PCDHGA1: variants seen among roughly 807,000 people sequenced by gnomAD.
PCDHGA1 encodes the protein protocadherin gamma subfamily A, 1.
Under a neutral mutation model 58.0 loss-of-function variants are expected in PCDHGA1, and 32 were observed. The ratio of observed to expected loss-of-function variants is 0.55; its 90% CI spans 0.42 to 0.74. The LOEUF is 0.74. Among genes scored for constraint, PCDHGA1 ranks in the 30% least tolerant of loss-of-function variants. The pLI is 0.00. For missense variants in PCDHGA1, 1,205 were observed against 1,182.3 expected (o/e 1.02, Z -0.28); for synonymous variants, 498 against 501.1 (o/e 0.99, Z 0.08).
In PCDHGA1 at chr5:141,417,959, C is replaced by T. The variant is rs759279387; in HGVS notation, c.2422-76848C>T. 7.4e-6 allele frequency: 12 copies of T among 1,613,616 alleles called. No homozygotes were observed. The highest frequency in any genetic ancestry group is 4.0e-5 in the African/African-American group (3 of 74,932). On this transcript the variant is annotated intron_variant, in intron 1 of 3. Coordinates refer to ENST00000517417, the MANE Select transcript of PCDHGA1 (RefSeq NM_018912.3). The stretch of plus-strand genomic sequence containing the variant: ...CTACCCCACGCTGTGTGAGCCGATC[C>T]GCTACTCGATTCCGGAGGAGCTGGC...
At chr5:141,403,444 G>A (rs2094408321) in intron 1 of PCDHGA1, 1 of 1,613,906 alleles carries the variant, frequency 6.2e-7, no homozygotes, top group African/African-American at 1.3e-5. Flanking sequence ...ATGTTGGCGT[G>A]AACTCCCTCC....
At position 141,486,543 on chromosome 5, in the gene PCDHGA1, A is replaced by G; in HGVS notation, c.2422-8264A>G. Reference sequence around the variant, plus strand: ...AATGATAATCCACCCTCTTTCTTTCAGAGGTCACATGAGGTGTTTGTTCCT... The same window carrying G: ...AATGATAATCCACCCTCTTTCTTTCGGAGGTCACATGAGGTGTTTGTTCCT... On this transcript the variant is annotated intron_variant, in intron 1 of 3. Transcript: ENST00000517417. This position sits in a 1 kb window ranked among gnomAD's most constrained non-coding sequence, Gnocchi z 5.0. 6.2e-7 allele frequency: 1 copy of G among 1,614,080 alleles called. No individual in the cohort carries two copies. Among genetic ancestry groups the G allele is most frequent in the Non-Finnish European group, 8.5e-7 (1 of 1,180,020 alleles).
chr5:141,381,826 CTTTT>C (rs770630741), intron 1 of PCDHGA1, among the ~76,000 whole-genome samples: 27 of 74,296 alleles, frequency 3.6e-4, no homozygotes, highest in Middle Eastern at 8.1e-3. Context: ...CTTTCTTCTT[CTTTT>C]TTTTTTTTTT....
intron 1 of PCDHGA1, chr5:141,418,426 C>A: frequency 6.2e-7 from 1 of 1,613,948 alleles, no homozygotes; most frequent in South Asian, 1.1e-5. Flanking sequence ...CTGATGGTGG[C>A]AAATATCCAG....
intron 1 of PCDHGA1, chr5:141,350,419 G>A (rs746243687): frequency 2.4e-5 from 39 of 1,606,950 alleles, no homozygotes; most frequent in Non-Finnish European, 3.1e-5. Context: ...AGGATCTGGG[G>A]CTCAGTGTCC....
chr5:141,367,545 T>TAAAA (rs1466224811), intron 1 of PCDHGA1: 1 of 145,462 alleles, frequency 6.9e-6, no homozygotes, highest in African/African-American at 2.5e-5. Flanking sequence ...TCAAAATAAA[T>TAAAA]AAATAAATAA....
chr5:141,332,179 G>A lies in PCDHGA1; in HGVS notation c.1495G>A (p.Ala499Thr), dbSNP rs546148338. The A allele has an allele frequency of 1.2e-6, 2 of 1,614,176 alleles. No individual in the cohort carries two copies. The highest frequency in any genetic ancestry group is 2.2e-5 in the East Asian group (1 of 44,880). Residue 499 changes from alanine (A) to threonine (T), a missense_variant, in exon 1 of 4, where the codon GCA (alanine) becomes ACA (threonine). By Grantham distance (58) the Ala-to-Thr change is moderately conservative (BLOSUM62 0). Transcript: ENST00000517417. This position sits in a 1 kb window ranked among gnomAD's most constrained non-coding sequence, Gnocchi z 4.6. ...YSLIEDTIQGAPLSAYLSINS... is the reference protein window; with the variant it reads ...YSLIEDTIQGTPLSAYLSINS... ...CCTAATAGAGGACACTATCCAGGGG[G>A]CACCCCTATCTGCCTACCTCTCCAT...
At chr5:141,336,663 TA>T (rs1338426856) in intron 1 of PCDHGA1, among the ~76,000 whole-genome samples, 1 of 152,204 alleles carries the variant, frequency 6.6e-6, no homozygotes, top group Non-Finnish European at 1.5e-5. Context: ...TTATTATGTT[TA>T]AGAACTAAAA....
rs752604165 is a variant in PCDHGA1, at chr5:141,494,771, G to A, written c.2422-36G>A. On this transcript the variant is annotated intron_variant, in intron 1 of 3. Coordinates refer to ENST00000517417, the MANE Select transcript of PCDHGA1 (RefSeq NM_018912.3). ...CTCGGGTGACATTCTAACTTCTCAC[G>A]GGTACTCAGCCCCTTTCCCTCTGTT... 74 of 1,613,730 alleles carry A rather than the reference G, an allele frequency of 4.6e-5. No homozygotes were observed. The East Asian group carries it at 1.6e-3, about 36-fold the overall frequency.
rs150897033 is a variant in PCDHGA1, at chr5:141,453,434, G to C, written c.2422-41373G>C. Among the ~76,000 whole-genome samples the C allele has an allele frequency of 3.9e-3, 592 of 151,994 alleles. 6 individuals are homozygous for C. The highest frequency in any genetic ancestry group is 0.011 in the Admixed American group (171 of 15,256). On this transcript the variant is annotated intron_variant, in intron 1 of 3. Coordinates refer to ENST00000517417, the MANE Select transcript of PCDHGA1 (RefSeq NM_018912.3). Reference sequence around the variant, plus strand: ...GGCATAAGCCACCACACCTAGCCTAGTATTCTTTTTTGAATATGTAAAACA... The same window carrying C: ...GGCATAAGCCACCACACCTAGCCTACTATTCTTTTTTGAATATGTAAAACA...
intron 1 of PCDHGA1, chr5:141,341,584 G>C (rs2149726029): frequency 1.7e-6 from 2 of 1,169,320 alleles, no homozygotes; most frequent in East Asian, 5.1e-5. Context: ...AGAGACGTGA[G>C]AATCTTTGTG....
At chr5:141,418,630 A>G in intron 1 of PCDHGA1, 1 of 1,614,046 alleles carries the variant, frequency 6.2e-7, no homozygotes, top group Non-Finnish European at 8.5e-7. Context: ...ACGTGCCTCC[A>G]GGCACCTCCA....
chr5:141,333,048 G>C lies in PCDHGA1; in HGVS notation c.2364G>C (p.Lys788Asn). The change falls in exon 1 of 4, where the codon AAG becomes AAC. Residue 788 changes from lysine to asparagine, a missense_variant. Physicochemically the swap from Lys to Asn is moderately conservative, Grantham distance 94 (BLOSUM62 0). Transcript: ENST00000517417. ...TCAGCCAGGAGAGCTGTGAGAAAAA[G>C]GGTTTTCTATCAGCACCCCAGTCTT... ...TLISQESCEK[K>N]GFLSAPQSLL... is the part of the protein sequence containing the mutation. The C allele has an allele frequency of 1.2e-6, 2 of 1,614,172 alleles. No homozygotes were observed. Among genetic ancestry groups the C allele is most frequent in the Non-Finnish European group, 1.7e-6 (2 of 1,180,022 alleles).
intron 1 of PCDHGA1, chr5:141,370,669 G>C (rs370792537): frequency 6.2e-7 from 1 of 1,613,908 alleles, no homozygotes; most frequent in Admixed American, 1.7e-5. Context: ...CGTATAGACC[G>C]AGAGGAGATT....
At chr5:141,471,892 T>C (rs1429425311) in intron 1 of PCDHGA1, among the ~76,000 whole-genome samples, 1 of 152,166 alleles carries the variant, frequency 6.6e-6, no homozygotes, top group Admixed American at 6.6e-5. Context: ...GCTAGGAAGA[T>C]TGACTACAGA....
Position 141,336,127 on chromosome 5 carries a change from A to G in PCDHGA1, c.2421+3022A>G, listed in dbSNP as rs35250472. Among the ~76,000 whole-genome samples the G allele has an allele frequency of 8.8e-3, 1,342 of 152,340 alleles. 27 individuals are homozygous for G. The highest frequency in any genetic ancestry group is 0.03 in the African/African-American group (1,259 of 41,572). ...AGAGTTACATTTTTGAAATGCAACC[A>G]TGGAAGAGTTCTGAGGATGAAATAA... On this transcript the variant is annotated intron_variant, in intron 1 of 3. Transcript: ENST00000517417.
chr5:141,344,128 G>T (rs747941691), intron 1 of PCDHGA1: 12 of 1,614,028 alleles, frequency 7.4e-6, no homozygotes, highest in Non-Finnish European at 1.0e-5. Context: ...GGTCAGATCC[G>T]CTACTCGGTG....
At chr5:141,339,622 G>A (rs758392139) in intron 1 of PCDHGA1, 5 of 1,614,198 alleles carry the variant, frequency 3.1e-6, no homozygotes, top group Middle Eastern at 1.7e-4. Context: ...CTTCTGATGG[G>A]GGTGACCCAG....
intron 1 of PCDHGA1, chr5:141,422,585 T>C (rs1193597044): frequency 1.2e-6 from 2 of 1,613,930 alleles, no homozygotes; most frequent in African/African-American, 2.7e-5. Context: ...CCTCCCGTTT[T>C]TCCTCACTCC....
Sources: allele counts gnomAD v4.1 joint callset (sites outside exome capture counted in the v4.1 genomes callset), GRCh38; gene constraint gnomAD v4.1.1; non-coding constraint Gnocchi (gnomAD v3.1); transcripts MANE v1.5; gene names NCBI Gene and HGNC (gene_info 2026-07-23, HGNC 2026-07-21).